The following PPP1R9A variants were observed in gnomAD, a reference collection of about 807,000 sequenced individuals.
PPP1R9A encodes the protein protein phosphatase 1 regulatory subunit 9A.
In PPP1R9A, 59 loss-of-function variants were observed where a neutral mutation model predicts 141.9. That is an observed-to-expected ratio of 0.42 (90% CI 0.34 to 0.52). The LOEUF (loss-of-function observed/expected upper bound fraction) is 0.52. Ranked by LOEUF, PPP1R9A falls within the 20% of genes least tolerant of loss-of-function variation. The pLI is 0.10. For missense variants in PPP1R9A, 1,444 were observed against 1,611.9 expected, an observed-to-expected ratio of 0.90 and a Z score of 1.78; for synonymous variants, 500 against 569.7, an observed-to-expected ratio of 0.88 and a Z score of 1.74.
At chr7:95,102,739 A>G (rs1818951697) in intron 2 of PPP1R9A, among the ~76,000 whole-genome samples, 1 of 152,194 alleles carries the variant, frequency 6.6e-6, no homozygotes, top group African/African-American at 2.4e-5. Context: ...TAGGTGTTGT[A>G]AATCTGCGGT....
At chr7:95,241,441 A>G (rs753517423) in intron 8 of PPP1R9A, among the ~76,000 whole-genome samples, 56 of 152,118 alleles carry the variant, frequency 3.7e-4, no homozygotes, top group Non-Finnish European at 6.3e-4. Flanking sequence ...TCTTGGATAG[A>G]TTTTTCTTAA....
chr7:95,290,281 C>G lies in PPP1R9A; in HGVS notation c.4103C>G (p.Ala1368Gly), dbSNP rs751169414. The G allele has an allele frequency of 6.2e-7, 1 of 1,611,266 alleles. No individual in the cohort carries two copies. The highest frequency in any genetic ancestry group is 2.2e-5 in the East Asian group (1 of 44,670). Residue 1368 changes from alanine to glycine, a missense_variant, in exon 20 of 20, where the codon GCC becomes GGC. Coordinates refer to ENST00000433360, the MANE Select transcript of PPP1R9A (RefSeq NM_001166160.2). ...KKTEKMTSTT[A>G]EGAGEQ ...ACAGAAAAGATGACGTCAACTACAGCCGAGGGTGCTGGTGAGCAGTAACAC... is the reference window on the plus strand; with the variant it reads ...ACAGAAAAGATGACGTCAACTACAGGCGAGGGTGCTGGTGAGCAGTAACAC...
At chr7:95,171,661 G>A (rs1004024739) in intron 5 of PPP1R9A, among the ~76,000 whole-genome samples, 3 of 151,560 alleles carry the variant, frequency 2.0e-5, no homozygotes, top group Non-Finnish European at 3.0e-5. Context: ...AATTGTTTAT[G>A]TGTATACATG....
intron 2 of PPP1R9A, among the ~76,000 whole-genome samples, chr7:95,006,941 C>T (rs1803698323): frequency 6.6e-6 from 1 of 151,802 alleles, no homozygotes; most frequent in Non-Finnish European, 1.5e-5. Flanking sequence ...TGGCTCATCG[C>T]AACCTCCACC....
intron 2 of PPP1R9A, among the ~76,000 whole-genome samples, chr7:95,063,145 T>C (rs988382395): frequency 6.6e-6 from 1 of 152,210 alleles, no homozygotes; most frequent in Non-Finnish European, 1.5e-5. Flanking sequence ...AGGGAATGAC[T>C]GGAGAAAAGT....
chr7:95,045,208 G>GA (rs1372149175), intron 2 of PPP1R9A, among the ~76,000 whole-genome samples: 1 of 152,162 alleles, frequency 6.6e-6, no homozygotes, highest in East Asian at 1.9e-4. Context: ...GCATGCAGTG[G>GA]AAAAAGAGAC....
At chr7:95,215,512 G>A (rs1391921706) in intron 7 of PPP1R9A, among the ~76,000 whole-genome samples, 1 of 152,074 alleles carries the variant, frequency 6.6e-6, no homozygotes, top group Non-Finnish European at 1.5e-5. Context: ...GGGTCAAATG[G>A]TATTTCTAGT....
At chr7:95,092,097 T>C (rs1817432790) in intron 2 of PPP1R9A, among the ~76,000 whole-genome samples, 1 of 152,162 alleles carries the variant, frequency 6.6e-6, no homozygotes, top group African/African-American at 2.4e-5. Flanking sequence ...ATTTCTCTCT[T>C]TAGGCATTTT....
intron 5 of PPP1R9A, among the ~76,000 whole-genome samples, chr7:95,164,276 A>G (rs1196080510): frequency 6.6e-6 from 1 of 152,190 alleles, no homozygotes; most frequent in Non-Finnish European, 1.5e-5. Flanking sequence ...AAATAGGTGT[A>G]TAGTGGAATC....
Position 95,250,082 on chromosome 7 carries a change from A to G in PPP1R9A, c.2223A>G (p.Gln741=), listed in dbSNP as rs1367729062. The G allele has an allele frequency of 2.5e-6, 4 of 1,612,950 alleles. No individual in the cohort carries two copies. Among genetic ancestry groups the G allele is most frequent in the East Asian group, 4.5e-5 (2 of 44,808 alleles). The change falls in exon 10 of 20, where the codon CAA becomes CAG. Residue 741 remains glutamine (Q), a synonymous_variant. Transcript: ENST00000433360. ...GGGAACTAGAAAAAACCCAACTCCAACAAAACATAGAAGAGAATAAGGAAA... is the reference window on the plus strand; with the variant it reads ...GGGAACTAGAAAAAACCCAACTCCAGCAAAACATAGAAGAGAATAAGGAAA... The part of the protein sequence containing the change: ...VRWELEKTQL[Q]QNIEENKERM...
At chr7:95,189,582 G>A (rs1034884683) in intron 5 of PPP1R9A, among the ~76,000 whole-genome samples, 1 of 149,532 alleles carries the variant, frequency 6.7e-6, no homozygotes, top group Non-Finnish European at 1.5e-5. Flanking sequence ...GACTACAGGC[G>A]CCCGCCACTA....
chr7:95,216,460 G>T (rs958540318), intron 7 of PPP1R9A, among the ~76,000 whole-genome samples: 3 of 152,034 alleles, frequency 2.0e-5, no homozygotes, highest in Non-Finnish European at 4.4e-5. Context: ...CTCTTTTTTG[G>T]TTCCGTATGA....
At chr7:95,169,155 T>C (rs1203859051) in intron 5 of PPP1R9A, among the ~76,000 whole-genome samples, 2 of 151,904 alleles carry the variant, frequency 1.3e-5, no homozygotes, top group Non-Finnish European at 2.9e-5. Context: ...CATCAAAGGA[T>C]GAATGGATTT....
intron 7 of PPP1R9A, among the ~76,000 whole-genome samples, chr7:95,211,522 C>T (rs1792122470): frequency 6.6e-6 from 1 of 152,176 alleles, no homozygotes; most frequent in African/African-American, 2.4e-5. Context: ...GTTATGCAGA[C>T]ACCAGAATGG....
At chr7:95,162,775 C>T (rs1172913090) in intron 5 of PPP1R9A, among the ~76,000 whole-genome samples, 1 of 152,146 alleles carries the variant, frequency 6.6e-6, no homozygotes, top group Non-Finnish European at 1.5e-5. Flanking sequence ...CATTGCTATA[C>T]AGGCAGTAAC....
At chr7:95,051,576 G>C (rs780362504) in intron 2 of PPP1R9A, among the ~76,000 whole-genome samples, 9 of 152,038 alleles carry the variant, frequency 5.9e-5, no homozygotes, top group Non-Finnish European at 1.2e-4. Context: ...GGGAAAAATT[G>C]GCATCTTTAT....
chr7:95,127,668 T>G (rs1823816496), intron 4 of PPP1R9A, among the ~76,000 whole-genome samples: 1 of 152,128 alleles, frequency 6.6e-6, no homozygotes, highest in Non-Finnish European at 1.5e-5. Flanking sequence ...TGTCTCCCTC[T>G]CTTGCTCTCC....
At chr7:95,249,757 C>T (rs1471100155) in intron 9 of PPP1R9A, among the ~76,000 whole-genome samples, 2 of 152,102 alleles carry the variant, frequency 1.3e-5, no homozygotes, top group African/African-American at 4.8e-5. Flanking sequence ...TTCAGATCAC[C>T]TGGTGTGATG....
At chr7:95,064,712 T>C (rs1306362403) in intron 2 of PPP1R9A, among the ~76,000 whole-genome samples, 1 of 152,190 alleles carries the variant, frequency 6.6e-6, no homozygotes, top group African/African-American at 2.4e-5. Context: ...TTTTCAAATA[T>C]TGAAATCCAC....
Sources: allele counts gnomAD v4.1 joint callset (sites outside exome capture counted in the v4.1 genomes callset), GRCh38; gene constraint gnomAD v4.1.1; transcripts MANE v1.5; gene names NCBI Gene and HGNC (gene_info 2026-07-23, HGNC 2026-07-21).